B3GALT1: variants seen among roughly 807,000 people sequenced by gnomAD.
B3GALT1 encodes the protein beta-1,3-galactosyltransferase 1.
A neutral mutation model predicts 23.2 loss-of-function variants in B3GALT1; 10 were observed. The observed-to-expected ratio is 0.43, with a 90% confidence interval of 0.27 to 0.73. B3GALT1 has a LOEUF of 0.73. B3GALT1 is among the 30% of genes least tolerant of loss of function. The pLI is 0.21. For synonymous variants in B3GALT1, 156 were observed against 141.5 expected (o/e 1.10, Z -0.73); for missense variants, 299 against 405.4 (o/e 0.74, Z 2.25).
intron 4 of B3GALT1, among the ~76,000 whole-genome samples, chr2:167,820,152 G>C (rs1435929363): frequency 6.6e-6 from 1 of 152,134 alleles, no homozygotes; most frequent in Non-Finnish European, 1.5e-5. Context: ...TCAGCCTGCT[G>C]GTATAAATAA....
At chr2:167,295,967 G>A (rs1412789132) in intron 1 of B3GALT1, among the ~76,000 whole-genome samples, 1 of 152,174 alleles carries the variant, frequency 6.6e-6, no homozygotes, top group Non-Finnish European at 1.5e-5. Flanking sequence ...GGTTGGGGGT[G>A]GGCACAGGCT....
At chr2:167,760,704 A>G (rs1687886448) in intron 3 of B3GALT1, among the ~76,000 whole-genome samples, 1 of 152,192 alleles carries the variant, frequency 6.6e-6, no homozygotes, top group African/African-American at 2.4e-5. Context: ...TTCTTAAGAC[A>G]CGGGCTGATC....
intron 2 of B3GALT1, among the ~76,000 whole-genome samples, chr2:167,595,870 A>G (rs1177051443): frequency 1.3e-5 from 2 of 152,236 alleles, no homozygotes; most frequent in East Asian, 3.8e-4. Context: ...TAGCATCTGC[A>G]TGTAATGGTT....
chr2:167,740,988 A>G (rs1687569504), intron 3 of B3GALT1, among the ~76,000 whole-genome samples: 2 of 152,212 alleles, frequency 1.3e-5, no homozygotes, highest in Non-Finnish European at 2.9e-5. Context: ...TTCAGGGGTA[A>G]GCACAGGACT....
chr2:167,868,371 C>T (rs1424831973), intron 4 of B3GALT1, among the ~76,000 whole-genome samples: 1 of 151,976 alleles, frequency 6.6e-6, no homozygotes, highest in African/African-American at 2.4e-5. Flanking sequence ...GAATCAATTC[C>T]TTCACCAGAA....
intron 2 of B3GALT1, among the ~76,000 whole-genome samples, chr2:167,534,610 CA>C (rs1268727112): frequency 6.6e-6 from 1 of 152,034 alleles, no homozygotes; most frequent in Non-Finnish European, 1.5e-5. Flanking sequence ...AGGAATGCAT[CA>C]AAAAGAGATC....
intron 2 of B3GALT1, among the ~76,000 whole-genome samples, chr2:167,545,914 TG>T (rs1683628905): frequency 6.6e-6 from 1 of 152,208 alleles, no homozygotes; most frequent in African/African-American, 2.4e-5. Context: ...ATCTTGGGGA[TG>T]GGACCCAACT....
At chr2:167,410,110 G>A (rs1442083071) in intron 1 of B3GALT1, among the ~76,000 whole-genome samples, 1 of 152,128 alleles carries the variant, frequency 6.6e-6, no homozygotes, top group Non-Finnish European at 1.5e-5. Context: ...CAAAGAATGA[G>A]TTCATGTCCT....
chr2:167,853,038 TATTG>T (rs1375299708), intron 4 of B3GALT1, among the ~76,000 whole-genome samples: 2 of 152,184 alleles, frequency 1.3e-5, no homozygotes, highest in African/African-American at 4.8e-5. Flanking sequence ...AAAATTAACC[TATTG>T]ATTGAGTTAT....
At position 167,437,309 on chromosome 2, in the gene B3GALT1, T is replaced by A. The variant is rs1165756133; in HGVS notation, c.-510-52868T>A. On this transcript the variant is annotated intron_variant, in intron 1 of 4. Transcript: ENST00000392690. ...GTTATTCGCTAGTTTTTGCCTACCC[T>A]ATTTTGAGGACAAAGGTATATGCAC... 4.6e-5 allele frequency among the ~76,000 whole-genome samples: 7 copies of A among 152,214 alleles called. No homozygotes were observed. The East Asian group carries it at 1.3e-3, about 29-fold the overall frequency.
At position 167,744,775 on chromosome 2, in the gene B3GALT1, G is replaced by A. The variant is rs375626586; in HGVS notation, c.-351-73897G>A. ...CCCGGCTAATTTTGTATTTTTAGTA[G>A]AACAGGGTTTCTCCATGTTGGTGAG... On this transcript the variant is annotated intron_variant, in intron 3 of 4. Transcript: ENST00000392690. Among the ~76,000 whole-genome samples the A allele has an allele frequency of 2.6e-5, 4 of 151,842 alleles. No individual in the cohort carries two copies. In the East Asian group the frequency reaches 7.8e-4, roughly 29 times the overall value.
chr2:167,789,443 G>T (rs1688397708), intron 3 of B3GALT1, among the ~76,000 whole-genome samples: 1 of 152,084 alleles, frequency 6.6e-6, no homozygotes, highest in African/African-American at 2.4e-5. Flanking sequence ...TGCTTTATAG[G>T]ATTGTCTTAA....
intron 1 of B3GALT1, among the ~76,000 whole-genome samples, chr2:167,401,784 C>G (rs1320358156): frequency 6.6e-6 from 1 of 152,112 alleles, no homozygotes; most frequent in Admixed American, 6.6e-5. Flanking sequence ...CAGCCAAAAC[C>G]GTGAAGGGAA....
chr2:167,721,032 C>T (rs187793013), intron 3 of B3GALT1, among the ~76,000 whole-genome samples: 2 of 151,940 alleles, frequency 1.3e-5, no homozygotes, highest in South Asian at 2.1e-4. Flanking sequence ...TTTCTCTCTC[C>T]CTCTCTCCCC....
intron 3 of B3GALT1, among the ~76,000 whole-genome samples, chr2:167,807,013 A>C (rs1292313489): frequency 6.6e-6 from 1 of 152,076 alleles, no homozygotes; most frequent in African/African-American, 2.4e-5. Context: ...GTCTATTCAG[A>C]GATTCAACTT....
intron 2 of B3GALT1, among the ~76,000 whole-genome samples, chr2:167,531,117 T>C (rs1000050715): frequency 1.3e-5 from 2 of 152,196 alleles, no homozygotes; most frequent in African/African-American, 4.8e-5. Flanking sequence ...ACATCAACAT[T>C]CACATAGCAA....
chr2:167,453,833 C>T (rs1196073721), intron 1 of B3GALT1, among the ~76,000 whole-genome samples: 4 of 152,206 alleles, frequency 2.6e-5, no homozygotes, highest in African/African-American at 7.2e-5. Context: ...TTGTGAAGTT[C>T]TGTCAGGCTC....
Position 167,873,117 on chromosome 2 carries a change from A to C in B3GALT1, c.*3097A>C, listed in dbSNP as rs992121825. ...ATCATTTCCCTGACATAAAATATGC[A>C]ATGTTTTAGACAGTATTCTACCAAG... On this transcript the variant is annotated 3_prime_UTR_variant, in exon 5 of 5. Transcript: ENST00000392690. The C allele has an allele frequency of 6.6e-6, 1 of 152,186 alleles. No homozygotes were observed. Among genetic ancestry groups the C allele is most frequent in the Admixed American group, 6.5e-5 (1 of 15,284 alleles). 9.4% of individuals were successfully genotyped at this position (152,186 alleles called of 1,614,324 possible). A position where few individuals can be genotyped will look rare whatever the true frequency, so the allele number is the denominator to read the frequency against.
At chr2:167,648,398 T>C (rs886470672) in intron 3 of B3GALT1, among the ~76,000 whole-genome samples, 8 of 152,098 alleles carry the variant, frequency 5.3e-5, no homozygotes, top group African/African-American at 1.9e-4. Flanking sequence ...TACTGTCTCA[T>C]GTATCCCCTT....
Sources: allele counts gnomAD v4.1 joint callset (sites outside exome capture counted in the v4.1 genomes callset), GRCh38; gene constraint gnomAD v4.1.1; transcripts MANE v1.5; gene names NCBI Gene and HGNC (gene_info 2026-07-23, HGNC 2026-07-21).